NKAIN2: variants seen among roughly 807,000 people sequenced by gnomAD.
NKAIN2 encodes sodium/potassium-transporting ATPase subunit beta-1-interacting protein 2.
A neutral mutation model predicts 32.6 loss-of-function variants in NKAIN2; 14 were observed. The observed-to-expected ratio is 0.43, with a 90% CI of 0.28 to 0.67. The LOEUF (loss-of-function observed/expected upper bound fraction) is 0.67. NKAIN2 is among the 30% of genes least tolerant of loss of function. The pLI is 0.17. For synonymous variants in NKAIN2, 80 were observed against 87.2 expected (o/e 0.92, Z 0.46); for missense variants, 198 against 258.3 (o/e 0.77, Z 1.60).
intron 4 of NKAIN2, among the ~76,000 whole-genome samples, chr6:124,672,464 T>C (rs1235202175): frequency 6.6e-6 from 1 of 152,100 alleles, no homozygotes; most frequent in Non-Finnish European, 1.5e-5. Context: ...TCTATGACTA[T>C]TGGATAGTGC....
chr6:124,397,733 A>C (rs1303906976), intron 3 of NKAIN2, among the ~76,000 whole-genome samples: 1 of 152,186 alleles, frequency 6.6e-6, no homozygotes, highest in Non-Finnish European at 1.5e-5. Flanking sequence ...TCAGGTAGTC[A>C]GGTGTTATTA....
intron 1 of NKAIN2, among the ~76,000 whole-genome samples, chr6:123,968,349 T>A (rs1384476916): frequency 1.3e-5 from 2 of 152,200 alleles, no homozygotes; most frequent in Admixed American, 1.3e-4. Flanking sequence ...GTGGTCCAGA[T>A]GATTCCATCT....
intron 1 of NKAIN2, among the ~76,000 whole-genome samples, chr6:123,992,789 G>A (rs1046717427): frequency 6.6e-6 from 1 of 152,226 alleles, no homozygotes; most frequent in Non-Finnish European, 1.5e-5. Context: ...ATTAGTGGGA[G>A]TTAAGTGGAG....
intron 2 of NKAIN2, among the ~76,000 whole-genome samples, chr6:124,342,420 A>C (rs576694244): frequency 2.1e-5 from 3 of 140,966 alleles, no homozygotes; most frequent in East Asian, 1.9e-4. Context: ...AAAAAAAAAA[A>C]AACAAAACAC....
chr6:124,289,271 T>C (rs565272077), intron 2 of NKAIN2, among the ~76,000 whole-genome samples: 3 of 152,336 alleles, frequency 2.0e-5, no homozygotes, highest in South Asian at 4.1e-4. Flanking sequence ...ACATTTTTTT[T>C]AACGTGATAC....
At chr6:124,038,813 T>A (rs1781728422) in intron 1 of NKAIN2, among the ~76,000 whole-genome samples, 1 of 152,156 alleles carries the variant, frequency 6.6e-6, no homozygotes, top group Non-Finnish European at 1.5e-5. Flanking sequence ...TTGGCACCTT[T>A]GTTAGTACTG....
At chr6:124,338,534 G>A (rs1427739411) in intron 2 of NKAIN2, among the ~76,000 whole-genome samples, 1 of 151,982 alleles carries the variant, frequency 6.6e-6, no homozygotes, top group Non-Finnish European at 1.5e-5. Flanking sequence ...ATTTGATTAG[G>A]TATATTTTTC....
intron 3 of NKAIN2, among the ~76,000 whole-genome samples, chr6:124,646,260 A>G (rs1249634131): frequency 6.6e-6 from 1 of 152,188 alleles, no homozygotes; most frequent in African/African-American, 2.4e-5. Context: ...AAAAAGAACA[A>G]TTAGAGAATA....
chr6:124,531,389 G>A (rs1465989537), intron 3 of NKAIN2, among the ~76,000 whole-genome samples: 1 of 152,144 alleles, frequency 6.6e-6, no homozygotes. Context: ...TGGGGTGGAT[G>A]CAAATCATAC....
rs1435403354 is a variant in NKAIN2, at chr6:124,317,423, C to T, written c.192+34281C>T. Among the ~76,000 whole-genome samples the T allele has an allele frequency of 1.1e-4, 16 of 152,042 alleles. 1 individual carries two copies. The highest frequency in any genetic ancestry group is 2.9e-5 in the Non-Finnish European group (2 of 67,990). On this transcript the variant is annotated intron_variant, in intron 2 of 6. Transcript: ENST00000368417. Reference sequence around the variant, plus strand: ...AACATTTTGGAGGGACTAGTTTAGACATTTGGTACTGATTCAGTGTTTCTA... The same window carrying T: ...AACATTTTGGAGGGACTAGTTTAGATATTTGGTACTGATTCAGTGTTTCTA...
At chr6:124,276,103 C>G (rs1348318236) in intron 1 of NKAIN2, among the ~76,000 whole-genome samples, 1 of 151,878 alleles carries the variant, frequency 6.6e-6, no homozygotes, top group Non-Finnish European at 1.5e-5. Flanking sequence ...GGCCAAGTCT[C>G]TTTTTGGTGG....
chr6:124,373,214 G>T (rs1450862461), intron 3 of NKAIN2, among the ~76,000 whole-genome samples: 1 of 152,094 alleles, frequency 6.6e-6, no homozygotes, highest in Non-Finnish European at 1.5e-5. Context: ...TACAAGATTT[G>T]CTAATGTCAT....
chr6:123,813,944 A>C (rs1582576440), intron 1 of NKAIN2, among the ~76,000 whole-genome samples: 2 of 152,130 alleles, frequency 1.3e-5, no homozygotes, highest in South Asian at 4.1e-4. Flanking sequence ...GATTTTCTCA[A>C]ATATTGGAGC....
chr6:124,383,401 C>T (rs1329755475), intron 3 of NKAIN2, among the ~76,000 whole-genome samples: 3 of 152,142 alleles, frequency 2.0e-5, no homozygotes, highest in Admixed American at 2.0e-4. Context: ...ACTTCAGTGG[C>T]TTCCTGTAAG....
chr6:124,771,863 G>T (rs567693740), intron 4 of NKAIN2, among the ~76,000 whole-genome samples: 1 of 152,226 alleles, frequency 6.6e-6, no homozygotes, highest in East Asian at 1.9e-4. Context: ...TGAATGCAGT[G>T]GTTCTCCTTC....
chr6:123,891,003 AT>A (rs1283833822), intron 1 of NKAIN2, among the ~76,000 whole-genome samples: 1 of 152,178 alleles, frequency 6.6e-6, no homozygotes, highest in Non-Finnish European at 1.5e-5. Context: ...ATGGGATGCC[AT>A]TTAACCCTAA....
chr6:123,987,046 A>T (rs888943645), intron 1 of NKAIN2, among the ~76,000 whole-genome samples: 1 of 152,210 alleles, frequency 6.6e-6, no homozygotes, highest in Non-Finnish European at 1.5e-5. Flanking sequence ...CATGAGTGAG[A>T]TGAGAATGTA....
chr6:124,086,027 A>G (rs1784175452), intron 1 of NKAIN2, among the ~76,000 whole-genome samples: 1 of 152,008 alleles, frequency 6.6e-6, no homozygotes. Context: ...CTCAGTTTTC[A>G]TATAAAAGAA....
intron 3 of NKAIN2, among the ~76,000 whole-genome samples, chr6:124,376,858 T>C (rs1800015348): frequency 6.6e-6 from 1 of 152,184 alleles, no homozygotes; most frequent in Non-Finnish European, 1.5e-5. Flanking sequence ...AGATGTATCC[T>C]AATTCATAAA....
Sources: allele counts gnomAD v4.1 joint callset (sites outside exome capture counted in the v4.1 genomes callset), GRCh38; gene constraint gnomAD v4.1.1; transcripts MANE v1.5; gene names NCBI Gene and HGNC (gene_info 2026-07-23, HGNC 2026-07-21).